YTHDC1: variants seen among roughly 807,000 people sequenced by gnomAD.
The protein encoded by YTHDC1 is YTH domain-containing protein 1.
In YTHDC1, 12 loss-of-function variants were observed where a neutral mutation model predicts 107.0. That is an observed-to-expected ratio of 0.11 (90% confidence interval 0.07 to 0.18). YTHDC1 has a LOEUF of 0.18. Ranked by LOEUF, YTHDC1 falls within the 10% of genes least tolerant of loss-of-function variation. The pLI, the probability that YTHDC1 is intolerant of heterozygous loss-of-function variation, is 1.00. For synonymous variants in YTHDC1, 280 were observed against 289.5 expected (o/e 0.97, Z 0.33); for missense variants, 635 against 898.8 (o/e 0.71, Z 3.75).
chr4:68,344,182 A>G (rs1725158424), intron 1 of YTHDC1: 1 of 151,490 alleles, frequency 6.6e-6, no homozygotes, highest in African/African-American at 2.4e-5. Flanking sequence ...CAGTATTACT[A>G]CCTGAACAAA....
rs535283535 is a variant in YTHDC1, at chr4:68,322,473, T to TA, written c.1601+275dup. The stretch of plus-strand genomic sequence containing the variant: ...AAATGCCTACCTCATTTCAATTGTA[T>TA]ACATTGTATTATCAGAGTATTATCT... On this transcript the variant is annotated intron_variant, in intron 11 of 16. Transcript: ENST00000344157. This position sits in a 1 kb window ranked among gnomAD's most constrained non-coding sequence, Gnocchi z 4.8. The TA allele has an allele frequency of 1.6e-5, 6 of 373,232 alleles. No individual in the cohort carries two copies. The East Asian group carries it at 2.5e-4, about 16-fold the overall frequency. 23.1% of individuals were successfully genotyped at this position (373,232 alleles called of 1,614,324 possible). A position where few individuals can be genotyped will look rare whatever the true frequency, so the allele number is the denominator to read the frequency against.
At chr4:68,341,226 A>G (rs561056417) in intron 1 of YTHDC1, among the ~76,000 whole-genome samples, 3 of 152,308 alleles carry the variant, frequency 2.0e-5, no homozygotes, top group African/African-American at 7.2e-5. Context: ...GGCTTTAGAA[A>G]TTGACAGTTA....
intron 16 of YTHDC1, 71 bp downstream of exon 16, chr4:68,316,243 T>C (rs1027404601): frequency 6.7e-7 from 1 of 1,487,344 alleles, no homozygotes; most frequent in Non-Finnish European, 9.1e-7. Context: ...CATACTCTGG[T>C]CTCCCCATAT....
intron 4 of YTHDC1, among the ~76,000 whole-genome samples, chr4:68,334,272 A>C (rs1723917451): frequency 6.6e-6 from 1 of 152,174 alleles, no homozygotes; most frequent in South Asian, 2.1e-4. Context: ...ATTTTTATAT[A>C]AACAATGGAA....
intron 4 of YTHDC1, among the ~76,000 whole-genome samples, chr4:68,334,346 A>G (rs561169582): frequency 6.6e-6 from 1 of 152,274 alleles, no homozygotes; most frequent in African/African-American, 2.4e-5. Flanking sequence ...CAGCTATTTA[A>G]AAAGCTTTAA....
chr4:68,315,764 A>C (rs1721792149), intron 16 of YTHDC1: 1 of 152,224 alleles, frequency 6.6e-6, no homozygotes, highest in Non-Finnish European at 1.5e-5. Context: ...TCAAATAATT[A>C]ACAGAATCAA....
At chr4:68,335,368 A>G (rs1278632091) in intron 4 of YTHDC1, among the ~76,000 whole-genome samples, 1 of 152,184 alleles carries the variant, frequency 6.6e-6, no homozygotes, top group African/African-American at 2.4e-5. Flanking sequence ...AAGGAAAATA[A>G]AACTTTCAGG....
intron 9 of YTHDC1, among the ~76,000 whole-genome samples, chr4:68,325,271 T>G (rs1169528972): frequency 1.3e-5 from 2 of 151,248 alleles, no homozygotes; most frequent in Non-Finnish European, 3.0e-5. Flanking sequence ...TACAGAAGAT[T>G]TTTTTTTTGT....
At chr4:68,347,964 A>C (rs1344318877) in intron 1 of YTHDC1, among the ~76,000 whole-genome samples, 1 of 152,226 alleles carries the variant, frequency 6.6e-6, no homozygotes, top group African/African-American at 2.4e-5. Context: ...CACTTACATC[A>C]AGTTTTTAAA....
Position 68,313,702 on chromosome 4 carries a change from G to A in YTHDC1, c.*397C>T, listed in dbSNP as rs1050442083. ...ATAGCAGCATTATTTTTACTGAACC[G>A]TGTGCAACTACATGTAGAAACACAT... On this transcript the variant is annotated 3_prime_UTR_variant, in exon 17 of 17. Transcript: ENST00000344157. 6.1e-4 allele frequency: 112 copies of A among 183,918 alleles called. No individual in the cohort carries two copies. Among genetic ancestry groups the A allele is most frequent in the African/African-American group, 2.5e-3 (105 of 42,264 alleles). 11.4% of individuals were successfully genotyped at this position (183,918 alleles called of 1,614,324 possible).
intron 1 of YTHDC1, among the ~76,000 whole-genome samples, chr4:68,346,211 T>C (rs1341608252): frequency 6.7e-6 from 1 of 149,260 alleles, no homozygotes; most frequent in East Asian, 2.0e-4. Context: ...AGCCCGGGAG[T>C]TCAAGACAAT....
intron 1 of YTHDC1, among the ~76,000 whole-genome samples, chr4:68,338,954 T>C (rs1014279654): frequency 6.6e-6 from 1 of 152,074 alleles, no homozygotes; most frequent in Non-Finnish European, 1.5e-5. Flanking sequence ...AAAAAGAAAA[T>C]GCAAGAATGT....
rs1721452659 is a variant in YTHDC1, at chr4:68,313,355, C to T, written c.*744G>A. 1.3e-5 allele frequency: 2 copies of T among 152,516 alleles called. No individual in the cohort carries two copies. Among genetic ancestry groups the T allele is most frequent in the African/African-American group, 2.4e-5 (1 of 41,412 alleles). The allele number at this position is 152,516 out of a possible 1,614,324, so 9.4% of individuals were successfully genotyped here. On this transcript the variant is annotated 3_prime_UTR_variant, in exon 17 of 17. Coordinates refer to ENST00000344157, the MANE Select transcript of YTHDC1 (RefSeq NM_001031732.4). Reference sequence around the variant, plus strand: ...CTTTACCAATTTATTTTATACAAAACAGTAGCAATGTAGAATATGGGAATC... The same window carrying T: ...CTTTACCAATTTATTTTATACAAAATAGTAGCAATGTAGAATATGGGAATC...
chr4:68,341,103 AAT>A (rs1243553300), intron 1 of YTHDC1, among the ~76,000 whole-genome samples: 2 of 152,172 alleles, frequency 1.3e-5, no homozygotes, highest in African/African-American at 4.8e-5. Flanking sequence ...AATCATATAA[AAT>A]AGAGCATGTT....
At chr4:68,331,170 T>C (rs1723541176) in intron 7 of YTHDC1, among the ~76,000 whole-genome samples, 1 of 152,196 alleles carries the variant, frequency 6.6e-6, no homozygotes, top group East Asian at 1.9e-4. Context: ...GCTATGTGAA[T>C]AGTTGTTATA....
chr4:68,326,471 ATGT>A (rs1340598484), intron 9 of YTHDC1, among the ~76,000 whole-genome samples: 8 of 152,224 alleles, frequency 5.3e-5, no homozygotes, highest in Non-Finnish European at 1.2e-4. Flanking sequence ...CTGAGCAGCT[ATGT>A]TATGAAGCAT....
intron 9 of YTHDC1, among the ~76,000 whole-genome samples, chr4:68,327,944 T>C (rs1723175608): frequency 6.6e-6 from 1 of 152,146 alleles, no homozygotes; most frequent in African/African-American, 2.4e-5. Context: ...GGTAAACCCA[T>C]AAACTTACTT....
At position 68,349,150 on chromosome 4, in the gene YTHDC1, T is replaced by C. The variant is rs1419429683; in HGVS notation, c.28+576A>G. Among the ~76,000 whole-genome samples, 5 of 152,322 alleles carry C rather than the reference T, an allele frequency of 3.3e-5. No homozygotes were observed. In the East Asian group the frequency reaches 5.8e-4, roughly 18 times the overall value. ...CACACAGTCATCTTTCCAAACTAAG[T>C]ATTCCTTTTTCCAAGTACTATGTTT... is the stretch of plus-strand genomic sequence containing the variant. On this transcript the variant is annotated intron_variant, in intron 1 of 16. Transcript: ENST00000344157.
At position 68,322,106 on chromosome 4, in the gene YTHDC1, C is replaced by G. The variant is rs1722503292; in HGVS notation, c.1601+643G>C. Among the ~76,000 whole-genome samples, 1 of 152,142 alleles carries G rather than the reference C, an allele frequency of 6.6e-6. No individual in the cohort carries two copies. Among genetic ancestry groups the G allele is most frequent in the Non-Finnish European group, 1.5e-5 (1 of 68,044 alleles). On this transcript the variant is annotated intron_variant, in intron 11 of 16. Coordinates refer to ENST00000344157, the MANE Select transcript of YTHDC1 (RefSeq NM_001031732.4). This position sits in a 1 kb window ranked among gnomAD's most constrained non-coding sequence, Gnocchi z 4.8. ...CGGGTCTCCCAGGGCCACTTGATCC[C>G]CTTTGGAAAGAACCTATTGTTTTCA...
Sources: allele counts gnomAD v4.1 joint callset (sites outside exome capture counted in the v4.1 genomes callset), GRCh38; gene constraint gnomAD v4.1.1; non-coding constraint Gnocchi (gnomAD v3.1); transcripts MANE v1.5; gene names NCBI Gene and HGNC (gene_info 2026-07-23, HGNC 2026-07-21).